WASF2: variants seen among roughly 807,000 people sequenced by gnomAD.
The protein encoded by WASF2 is WASP family member 2.
A neutral mutation model predicts 45.0 loss-of-function variants in WASF2; 14 were observed. The ratio of observed to expected loss-of-function variants is 0.31; its 90% confidence interval spans 0.21 to 0.49. WASF2 has a LOEUF of 0.49. Among genes scored for constraint, WASF2 ranks in the 20% least tolerant of loss-of-function variants. The pLI, the probability that WASF2 is intolerant of heterozygous loss-of-function variation, is 0.99. For synonymous variants in WASF2, 200 were observed against 236.3 expected (o/e 0.85, Z 1.41); for missense variants, 439 against 636.1 (o/e 0.69, Z 3.33).
In WASF2 at chr1:27,415,855, TAA is replaced by T. The variant is rs976460445; in HGVS notation, c.537+128_537+129del. Reference sequence around the variant, plus strand: ...TGTGCTTGGTGTGGACACATTTTTTTAAGAGTTTCACCTGGCATCCAAGCAAG... The same window carrying T: ...TGTGCTTGGTGTGGACACATTTTTTTGAGTTTCACCTGGCATCCAAGCAAG... On this transcript the variant is annotated intron_variant, in intron 5 of 8. Coordinates refer to ENST00000618852, the MANE Select transcript of WASF2 (RefSeq NM_006990.5). 6.2e-5 allele frequency: 46 copies of T among 740,090 alleles called. 1 individual carries two copies. The Middle Eastern group carries it at 2.2e-3, about 36-fold the overall frequency. 45.8% of individuals were successfully genotyped at this position (740,090 alleles called of 1,614,324 possible). A position where few individuals can be genotyped will look rare whatever the true frequency, so the allele number is the denominator to read the frequency against.
intron 1 of WASF2, among the ~76,000 whole-genome samples, chr1:27,437,507 G>A (rs1174694488): frequency 6.6e-6 from 1 of 152,146 alleles, no homozygotes; most frequent in East Asian, 1.9e-4. Flanking sequence ...CCCGCATAAA[G>A]TATTTCTTGT....
chr1:27,423,328 G>A (rs1025293526), intron 2 of WASF2, among the ~76,000 whole-genome samples: 5 of 151,882 alleles, frequency 3.3e-5, no homozygotes, highest in Non-Finnish European at 7.4e-5. Flanking sequence ...CTCCCAAGTA[G>A]AAATACAGGC....
At chr1:27,489,659 T>C (rs2018002332) in intron 1 of WASF2, among the ~76,000 whole-genome samples, 1 of 151,646 alleles carries the variant, frequency 6.6e-6, no homozygotes, top group African/African-American at 2.4e-5. Flanking sequence ...ACACAGGGGG[T>C]AAACTAAGGC....
At chr1:27,471,116 G>A (rs532495523) in intron 1 of WASF2, among the ~76,000 whole-genome samples, 32 of 152,044 alleles carry the variant, frequency 2.1e-4, no homozygotes, top group Admixed American at 1.5e-3. Context: ...AGGCCGAGGC[G>A]GGCGGATCAC....
At chr1:27,487,604 A>AT (rs1557626581) in intron 1 of WASF2, among the ~76,000 whole-genome samples, 5 of 101,152 alleles carry the variant, frequency 4.9e-5, no homozygotes, top group African/African-American at 2.0e-4. Flanking sequence ...TATAATATAT[A>AT]ATATATATTA....
intron 1 of WASF2, among the ~76,000 whole-genome samples, chr1:27,463,977 G>C (rs1464795536): frequency 6.6e-6 from 1 of 151,360 alleles, no homozygotes; most frequent in Non-Finnish European, 1.5e-5. Flanking sequence ...CTCCATGTTG[G>C]TCAGGCTGGT....
intron 8 of WASF2, 22 bp from the exon 9 acceptor site, chr1:27,408,368 G>T: frequency 1.2e-6 from 2 of 1,614,044 alleles, no homozygotes; most frequent in South Asian, 2.2e-5. Context: ...GAGACAGAAG[G>T]GTGAGGAAGG....
chr1:27,423,951 G>A (rs756918601), intron 2 of WASF2, among the ~76,000 whole-genome samples: 2 of 152,096 alleles, frequency 1.3e-5, no homozygotes, highest in African/African-American at 2.4e-5. Context: ...ACCCAAGTGG[G>A]GGTTCCATTC....
chr1:27,456,791 A>G (rs944298235), intron 1 of WASF2, among the ~76,000 whole-genome samples: 5 of 150,242 alleles, frequency 3.3e-5, no homozygotes, highest in African/African-American at 1.2e-4. Flanking sequence ...CTGGAATGCA[A>G]TGGTGCGATC....
chr1:27,449,673 TA>T (rs1460208519), intron 1 of WASF2, among the ~76,000 whole-genome samples: 1 of 152,048 alleles, frequency 6.6e-6, no homozygotes, highest in Non-Finnish European at 1.5e-5. Context: ...CTCACAAAGA[TA>T]AGGATAAGGA....
At chr1:27,418,696 T>C (rs995881888) in intron 3 of WASF2, among the ~76,000 whole-genome samples, 4 of 152,016 alleles carry the variant, frequency 2.6e-5, no homozygotes, top group African/African-American at 7.3e-5. Flanking sequence ...CAAGTACTTT[T>C]ATGGTAGCAA....
chr1:27,456,946 T>C (rs2017476547), intron 1 of WASF2, among the ~76,000 whole-genome samples: 1 of 152,108 alleles, frequency 6.6e-6, no homozygotes, highest in Non-Finnish European at 1.5e-5. Flanking sequence ...TTTGTCATGT[T>C]GGCCAGGCTG....
chr1:27,487,160 G>T (rs967066509), intron 1 of WASF2, among the ~76,000 whole-genome samples: 1 of 146,526 alleles, frequency 6.8e-6, no homozygotes, highest in Non-Finnish European at 1.5e-5. Context: ...GAGTGCAGTG[G>T]TGCGATCTCG....
chr1:27,435,363 T>C (rs1410327003), intron 1 of WASF2, among the ~76,000 whole-genome samples: 3 of 152,034 alleles, frequency 2.0e-5, no homozygotes, highest in Non-Finnish European at 4.4e-5. Context: ...GACCGGAAGA[T>C]TGCTTGAGCT....
chr1:27,468,046 G>C (rs973914685), intron 1 of WASF2, among the ~76,000 whole-genome samples: 1 of 151,888 alleles, frequency 6.6e-6, no homozygotes, highest in Admixed American at 6.6e-5. Flanking sequence ...CAATTCTCGT[G>C]TCTCAGTCAC....
intron 1 of WASF2, among the ~76,000 whole-genome samples, chr1:27,442,736 C>T (rs1189780692): frequency 6.6e-6 from 1 of 151,828 alleles, no homozygotes; most frequent in Non-Finnish European, 1.5e-5. Flanking sequence ...GGCGTGGTGG[C>T]TCATACCCAT....
intron 1 of WASF2, among the ~76,000 whole-genome samples, chr1:27,443,164 TA>T (rs890311273): frequency 7.4e-5 from 11 of 148,920 alleles, no homozygotes; most frequent in Admixed American, 7.4e-4. Context: ...ACCCTGTTTC[TA>T]AATAAATAAA....
At chr1:27,408,378 G>T in intron 8 of WASF2, 32 bp from the exon 9 acceptor site, 1 of 1,613,798 alleles carries the variant, frequency 6.2e-7, no homozygotes, top group Non-Finnish European at 8.5e-7. Flanking sequence ...GGTGAGGAAG[G>T]CGTGTCCTCA....
Position 27,477,645 on chromosome 1 carries a change from A to T in WASF2, c.-44+12341T>A, listed in dbSNP as rs1477240839. Among the ~76,000 whole-genome samples, 27 of 105,106 alleles carry T rather than the reference A, an allele frequency of 2.6e-4. 4 individuals carry two copies. The highest frequency in any genetic ancestry group is 2.4e-3 in the East Asian group (5 of 2,114). 69.0% of individuals were successfully genotyped at this position (105,106 alleles called of 152,430 possible). ...CCGGGCGCGGTGGCTCACGCCTGTA[A>T]TCCCAGCACTTTGGGAGGCCGAGGC... is the stretch of plus-strand genomic sequence containing the variant. On this transcript the variant is annotated intron_variant, in intron 1 of 8. Coordinates refer to ENST00000618852, the MANE Select transcript of WASF2 (RefSeq NM_006990.5).
Sources: gnomAD v4.1 joint callset for allele counts (sites outside exome capture counted in the v4.1 genomes callset) on GRCh38, gnomAD v4.1.1 for gene constraint, MANE v1.5 for transcripts, NCBI Gene and HGNC (gene_info 2026-07-23, HGNC 2026-07-21) for gene names.